Variants in PIK3AP1 observed in about 807,000 individuals in gnomAD.
PIK3AP1 encodes phosphoinositide 3-kinase adapter protein 1.
A neutral mutation model predicts 88.1 loss-of-function variants in PIK3AP1; 21 were observed. The ratio of observed to expected loss-of-function variants is 0.24; its 90% confidence interval spans 0.17 to 0.34. PIK3AP1 has a LOEUF of 0.34. PIK3AP1 is among the 10% of genes least tolerant of loss of function. PIK3AP1 has a pLI of 1.00. For synonymous variants in PIK3AP1, 398 were observed against 400.0 expected (o/e 1.00, Z 0.06); for missense variants, 828 against 1,035.7 (o/e 0.80, Z 2.75).
chr10:96,710,554 G>A (rs1844425398), intron 1 of PIK3AP1, among the ~76,000 whole-genome samples: 1 of 152,064 alleles, frequency 6.6e-6, no homozygotes, highest in East Asian at 1.9e-4. Flanking sequence ...ACGAGCTATT[G>A]CTTCTGCCTG....
intron 2 of PIK3AP1, among the ~76,000 whole-genome samples, chr10:96,661,213 A>G (rs945769036): frequency 1.4e-4 from 22 of 152,088 alleles, no homozygotes; most frequent in Non-Finnish European, 5.9e-5. Context: ...ATCTGAAAAC[A>G]CACTGTAGGA....
chr10:96,605,448 C>A (rs1355268306), intron 14 of PIK3AP1, among the ~76,000 whole-genome samples: 1 of 152,086 alleles, frequency 6.6e-6, no homozygotes, highest in African/African-American at 2.4e-5. Context: ...TAGAAGAAAG[C>A]CCAGGACATG....
intron 2 of PIK3AP1, among the ~76,000 whole-genome samples, chr10:96,663,271 A>G (rs1024942829): frequency 2.0e-5 from 3 of 152,128 alleles, no homozygotes; most frequent in African/African-American, 4.8e-5. Flanking sequence ...AATATACGAA[A>G]AAAACATTGA....
chr10:96,635,659 C>G (rs1354290771), intron 8 of PIK3AP1, among the ~76,000 whole-genome samples: 1 of 152,210 alleles, frequency 6.6e-6, no homozygotes, highest in Non-Finnish European at 1.5e-5. Flanking sequence ...AATCCCAGCA[C>G]TTTGGGAGGC....
chr10:96,658,152 C>T (rs1394179749), intron 2 of PIK3AP1, among the ~76,000 whole-genome samples: 1 of 151,864 alleles, frequency 6.6e-6, no homozygotes, highest in Admixed American at 6.6e-5. Flanking sequence ...ATTCCTTAAC[C>T]ACTTATACAA....
intron 3 of PIK3AP1, among the ~76,000 whole-genome samples, chr10:96,653,565 C>T (rs1424501620): frequency 2.2e-5 from 3 of 135,346 alleles, no homozygotes; most frequent in African/African-American, 5.5e-5. Context: ...CAGCTCACTG[C>T]AACCTCCACC....
intron 2 of PIK3AP1, among the ~76,000 whole-genome samples, chr10:96,674,347 T>C (rs1446131354): frequency 6.6e-6 from 1 of 152,238 alleles, no homozygotes; most frequent in Non-Finnish European, 1.5e-5. Flanking sequence ...CTGGGTAATC[T>C]TGATATTTCT....
At position 96,609,811 on chromosome 10, in the gene PIK3AP1, A is replaced by G. The variant is rs1849075429; in HGVS notation, c.2071T>C (p.Phe691Leu). 6.2e-7 allele frequency: 1 copy of G among 1,613,764 alleles called. No individual in the cohort carries two copies. The highest frequency in any genetic ancestry group is 1.3e-5 in the African/African-American group (1 of 74,818). ...CTGGGGCCACTCTCATAGACTCCAA[A>G]CTCCACTTTTGCAGGCAGGTGCTGT... ...HSQHLPAKVEFGVYESGPRKS... is the reference protein window; with the variant it reads ...HSQHLPAKVELGVYESGPRKS... The change falls in exon 14 of 17, where the codon TTT becomes CTT. Residue 691 changes from phenylalanine (F) to leucine (L), a missense_variant. By Grantham distance (22) the Phe-to-Leu change is conservative. Around this residue, in one of 3 missense-constraint regions of PIK3AP1, gnomAD observed 191 missense variants for 208.6 expected, o/e 0.92. Transcript: ENST00000339364.
intron 6 of PIK3AP1, 140 bp downstream of exon 6, chr10:96,651,108 G>T: frequency 1.8e-6 from 2 of 1,110,720 alleles, no homozygotes; most frequent in Non-Finnish European, 1.3e-6. Context: ...TCAAGAATGA[G>T]TCCTTATCAC....
rs189090265 is a variant in PIK3AP1, at chr10:96,677,290, C to T, written c.431-20356G>A. 5.0e-3 allele frequency among the ~76,000 whole-genome samples: 758 copies of T among 152,116 alleles called. 7 individuals carry two copies. Among genetic ancestry groups the T allele is most frequent in the African/African-American group, 0.017 (687 of 41,508 alleles). On this transcript the variant is annotated intron_variant, in intron 2 of 16. Coordinates refer to ENST00000339364, the MANE Select transcript of PIK3AP1 (RefSeq NM_152309.3). Reference sequence around the variant, plus strand: ...TCTTGTTTGCATTTATCCTTCCCACCAATTGAAAAACCAATCATGTTTGGT... The same window carrying T: ...TCTTGTTTGCATTTATCCTTCCCACTAATTGAAAAACCAATCATGTTTGGT...
At chr10:96,701,884 TTTAACA>T (rs1476950796) in intron 2 of PIK3AP1, among the ~76,000 whole-genome samples, 1 of 152,224 alleles carries the variant, frequency 6.6e-6, no homozygotes, top group Non-Finnish European at 1.5e-5. Flanking sequence ...TTTTTTCTTC[TTTAACA>T]TTATGACAAA....
chr10:96,661,559 A>G (rs1843686442), intron 2 of PIK3AP1, among the ~76,000 whole-genome samples: 1 of 152,222 alleles, frequency 6.6e-6, no homozygotes, highest in South Asian at 2.1e-4. Context: ...CAGAGCAGAC[A>G]TGGAACTTTG....
At chr10:96,610,585 G>A (rs1224330106) in intron 13 of PIK3AP1, among the ~76,000 whole-genome samples, 4 of 152,232 alleles carry the variant, frequency 2.6e-5, no homozygotes, top group Non-Finnish European at 4.4e-5. Context: ...TAATGACCCC[G>A]AAAGCTAATG....
chr10:96,620,788 G>A (rs9633705), intron 11 of PIK3AP1: 5,893 of 484,454 alleles, frequency 0.012, 184 homozygotes, highest in East Asian at 0.067. Flanking sequence ...TAAGGGAGGC[G>A]TGAAATCTGC....
In PIK3AP1 at chr10:96,709,755, T is replaced by A; in HGVS notation, c.242A>T (p.Lys81Met). ...CTGCAGCAGGGGCAGCAAGGCGGGC[T>A]TGTGGAAGTGCTGCACCAGCTCCGC... is the stretch of plus-strand genomic sequence containing the variant. Reference protein sequence around the residue: ...LSAELVQHFHKPALLPLLQRA... With the variant: ...LSAELVQHFHMPALLPLLQRA... The change falls in exon 2 of 17, where the codon AAG (lysine) becomes ATG (methionine). Residue 81 changes from lysine (K) to methionine (M), a missense_variant. Coordinates refer to ENST00000339364, the MANE Select transcript of PIK3AP1 (RefSeq NM_152309.3). 1 of 1,613,936 alleles carries A rather than the reference T, an allele frequency of 6.2e-7. No homozygotes were observed. Among genetic ancestry groups the A allele is most frequent in the Non-Finnish European group, 8.5e-7 (1 of 1,179,902 alleles).
chr10:96,710,075 G>T, intron 1 of PIK3AP1, 92 bp from the exon 2 acceptor site: 3 of 1,282,984 alleles, frequency 2.3e-6, no homozygotes, highest in Non-Finnish European at 3.2e-6. Flanking sequence ...CCAGACACTG[G>T]GTCTGGCACC....
At chr10:96,719,125 A>G (rs1179546831) in intron 1 of PIK3AP1, among the ~76,000 whole-genome samples, 1 of 152,154 alleles carries the variant, frequency 6.6e-6, no homozygotes, top group Non-Finnish European at 1.5e-5. Flanking sequence ...CTTATTCACA[A>G]CACAGCTTCT....
chr10:96,654,456 G>A (rs1225439309), intron 3 of PIK3AP1, among the ~76,000 whole-genome samples: 4 of 152,184 alleles, frequency 2.6e-5, no homozygotes, highest in Non-Finnish European at 5.9e-5. Context: ...ACGTGATGTG[G>A]GGGGTGATCC....
At chr10:96,633,209 T>C in intron 8 of PIK3AP1, 1 of 855,538 alleles carries the variant, frequency 1.2e-6, no homozygotes, top group Non-Finnish European at 1.6e-6. Flanking sequence ...ATCCTCCCAG[T>C]TCCAGATGCA....
Sources: gnomAD v4.1 joint callset for allele counts (sites outside exome capture counted in the v4.1 genomes callset) on GRCh38, gnomAD v4.1.1 for gene constraint, gnomAD v4.1.1 regional missense constraint, MANE v1.5 for transcripts, NCBI Gene and HGNC (gene_info 2026-07-23, HGNC 2026-07-21) for gene names.